The following CADPS variants were observed in gnomAD, a reference collection of about 807,000 sequenced individuals.
The protein encoded by CADPS is calcium-dependent secretion activator 1.
A neutral mutation model predicts 167.3 loss-of-function variants in CADPS; 57 were observed. The ratio of observed to expected loss-of-function variants is 0.34; its 90% CI spans 0.28 to 0.42. The LOEUF is 0.42. Ranked by LOEUF, CADPS falls within the 20% of genes least tolerant of loss-of-function variation. The probability of loss-of-function intolerance (pLI) is 1.00; values close to 1 mark genes in which losing one functional copy is unlikely to be tolerated. For missense variants in CADPS, 1,414 were observed against 1,738.1 expected (o/e 0.81, Z 3.32); for synonymous variants, 676 against 635.3 (o/e 1.06, Z -0.96).
chr3:62,688,727 T>C (rs1189960867), intron 3 of CADPS, among the ~76,000 whole-genome samples: 1 of 152,056 alleles, frequency 6.6e-6, no homozygotes, highest in Non-Finnish European at 1.5e-5. Context: ...TTGAAAAGGC[T>C]TTTCTCAGGC....
intron 28 of CADPS, among the ~76,000 whole-genome samples, chr3:62,431,656 T>C (rs1340977140): frequency 6.6e-6 from 1 of 151,938 alleles, no homozygotes; most frequent in Non-Finnish European, 1.5e-5. Flanking sequence ...GGGCCAGTGC[T>C]GGTTCAAAAT....
intron 1 of CADPS, among the ~76,000 whole-genome samples, chr3:62,872,589 C>G (rs1210834162): frequency 6.6e-6 from 1 of 152,136 alleles, no homozygotes; most frequent in African/African-American, 2.4e-5. Flanking sequence ...TGTAAAAATG[C>G]AAACAGCATG....
At chr3:62,859,688 G>A (rs1451535066) in intron 1 of CADPS, among the ~76,000 whole-genome samples, 1 of 152,156 alleles carries the variant, frequency 6.6e-6, no homozygotes, top group African/African-American at 2.4e-5. Flanking sequence ...CAGGCAAACA[G>A]GAAGGCTGAC....
chr3:62,792,525 T>C lies in CADPS; in HGVS notation c.442-26541A>G, dbSNP rs138511043. On this transcript the variant is annotated intron_variant, in intron 1 of 29. Transcript: ENST00000383710. ...AGCCTTGTTTAACTTTTAAATGTCA[T>C]GTCCTCTGCCACAGGATCTTGGTAT... Among the ~76,000 whole-genome samples, 9 of 152,192 alleles carry C rather than the reference T, an allele frequency of 5.9e-5. No individual in the cohort carries two copies. The East Asian group carries it at 1.7e-3, about 29-fold the overall frequency.
chr3:62,755,790 T>A (rs1269716843), intron 2 of CADPS, among the ~76,000 whole-genome samples: 1 of 152,198 alleles, frequency 6.6e-6, no homozygotes, highest in African/African-American at 2.4e-5. Context: ...TTCAAATGAA[T>A]CCTCAGGCCT....
At chr3:62,597,529 T>C (rs1291403980) in intron 6 of CADPS, among the ~76,000 whole-genome samples, 2 of 152,162 alleles carry the variant, frequency 1.3e-5, no homozygotes, top group Non-Finnish European at 2.9e-5. Context: ...TATGTTTCCA[T>C]GCTACTGTCC....
intron 1 of CADPS, among the ~76,000 whole-genome samples, chr3:62,776,522 C>T (rs1301157744): frequency 2.0e-5 from 3 of 152,096 alleles, no homozygotes; most frequent in African/African-American, 4.8e-5. Flanking sequence ...GGCATGGTGG[C>T]GGGCGCCTGT....
At chr3:62,459,202 A>G (rs1414548131) in intron 26 of CADPS, among the ~76,000 whole-genome samples, 1 of 152,232 alleles carries the variant, frequency 6.6e-6, no homozygotes, top group Non-Finnish European at 1.5e-5. Flanking sequence ...AAAATACATT[A>G]GAAAAAATAA....
chr3:62,790,999 T>TAA (rs34800701), intron 1 of CADPS, among the ~76,000 whole-genome samples: 81,781 of 147,950 alleles, frequency 0.55, 25,203 homozygotes, highest in East Asian at 0.89. Flanking sequence ...GGCTCCTAAG[T>TAA]AAAAAAAAAA....
chr3:62,678,644 T>C (rs184859444), intron 3 of CADPS, among the ~76,000 whole-genome samples: 12 of 152,246 alleles, frequency 7.9e-5, no homozygotes, highest in Admixed American at 6.5e-4. Flanking sequence ...CCCAGATTTA[T>C]AGCATTCTTT....
intron 8 of CADPS, among the ~76,000 whole-genome samples, chr3:62,582,393 C>T (rs943854249): frequency 2.0e-5 from 3 of 152,174 alleles, no homozygotes; most frequent in Non-Finnish European, 2.9e-5. Context: ...CTGCAGTGAG[C>T]AGAGATCACA....
intron 28 of CADPS, among the ~76,000 whole-genome samples, chr3:62,413,072 T>C (rs547543385): frequency 1.3e-5 from 2 of 152,234 alleles, no homozygotes; most frequent in East Asian, 1.9e-4. Flanking sequence ...TGGTGTACCA[T>C]CTTCAAAGGA....
At chr3:62,651,138 G>A in intron 4 of CADPS, 58 bp from the exon 5 acceptor site, 1 of 1,240,936 alleles carries the variant, frequency 8.1e-7, no homozygotes, top group South Asian at 1.3e-5. Flanking sequence ...GATTTATAAA[G>A]AAGGTCTTTG....
At chr3:62,565,218 T>G (rs2079930420) in intron 9 of CADPS, among the ~76,000 whole-genome samples, 1 of 152,228 alleles carries the variant, frequency 6.6e-6, no homozygotes, top group South Asian at 2.1e-4. Context: ...CCATTTCCCC[T>G]TGATCTCTGG....
chr3:62,468,824 C>T (rs1470630958), intron 24 of CADPS, among the ~76,000 whole-genome samples: 1 of 152,176 alleles, frequency 6.6e-6, no homozygotes, highest in Non-Finnish European at 1.5e-5. Context: ...CTGTCTCTCC[C>T]ATCCAGGGGA....
intron 28 of CADPS, among the ~76,000 whole-genome samples, chr3:62,417,290 T>C (rs994636875): frequency 1.5e-5 from 2 of 131,044 alleles, no homozygotes; most frequent in East Asian, 2.2e-4. Context: ...TTTTTTTTTT[T>C]TTTTTTTTTT....
intron 3 of CADPS, among the ~76,000 whole-genome samples, chr3:62,671,752 C>A (rs76077252): frequency 0.077 from 11,681 of 151,888 alleles, 527 homozygotes; most frequent in Non-Finnish European, 0.1. Context: ...GGGGCTCAGG[C>A]AGCAGTATTT....
chr3:62,472,925 T>C (rs1353259060), intron 24 of CADPS, among the ~76,000 whole-genome samples: 1 of 152,236 alleles, frequency 6.6e-6, no homozygotes, highest in Non-Finnish European at 1.5e-5. Context: ...TAGTGTGGTC[T>C]CTGGAACAGC....
chr3:62,682,079 G>A (rs1375598324), intron 3 of CADPS, among the ~76,000 whole-genome samples: 1 of 152,092 alleles, frequency 6.6e-6, no homozygotes, highest in African/African-American at 2.4e-5. Flanking sequence ...GGAAATGCTA[G>A]TGAGCAATTT....
Sources: allele counts gnomAD v4.1 joint callset (sites outside exome capture counted in the v4.1 genomes callset), GRCh38; gene constraint gnomAD v4.1.1; transcripts MANE v1.5; gene names NCBI Gene and HGNC (gene_info 2026-07-23, HGNC 2026-07-21).